IGF2BP2: variants seen among roughly 807,000 people sequenced by gnomAD.
IGF2BP2 encodes the protein insulin-like growth factor 2 mRNA-binding protein 2.
A neutral mutation model predicts 75.8 loss-of-function variants in IGF2BP2; 17 were observed. The observed-to-expected ratio is 0.22, with a 90% CI of 0.15 to 0.34. The LOEUF (loss-of-function observed/expected upper bound fraction) is 0.34, where lower values mean the gene tolerates loss of function less well. Ranked by LOEUF, IGF2BP2 falls within the 10% of genes least tolerant of loss-of-function variation. The probability of loss-of-function intolerance (pLI) is 1.00; values close to 1 mark genes in which losing one functional copy is unlikely to be tolerated. For synonymous variants in IGF2BP2, 288 were observed against 295.6 expected (o/e 0.97, Z 0.26); for missense variants, 516 against 772.4 (o/e 0.67, Z 3.93).
chr3:185,809,055 C>T (rs149580350), intron 2 of IGF2BP2, among the ~76,000 whole-genome samples: 159 of 151,944 alleles, frequency 1.0e-3, no homozygotes, highest in Middle Eastern at 6.9e-3. Context: ...ATTCTTGTAT[C>T]CACCTATTAT....
At chr3:185,762,214 C>T (rs1732462428) in intron 2 of IGF2BP2, among the ~76,000 whole-genome samples, 1 of 151,574 alleles carries the variant, frequency 6.6e-6, no homozygotes, top group African/African-American at 2.4e-5. Context: ...ATGGTGAAAC[C>T]CTGTCTCTAC....
chr3:185,761,997 C>G lies in IGF2BP2; in HGVS notation c.239+61156G>C, dbSNP rs373209208. 6.6e-5 allele frequency among the ~76,000 whole-genome samples: 10 copies of G among 152,264 alleles called. No homozygotes were observed. In the East Asian group the frequency reaches 1.9e-3, roughly 29 times the overall value. On this transcript the variant is annotated intron_variant, in intron 2 of 15. Transcript: ENST00000382199. ...AAACTGCTGTAGATATTCTACCATG[C>G]TTTGTACTATTAGAAAAGCTTGCAT...
intron 2 of IGF2BP2, among the ~76,000 whole-genome samples, chr3:185,719,854 AAAG>A (rs1320878346): frequency 1.3e-5 from 2 of 151,770 alleles, no homozygotes; most frequent in East Asian, 3.9e-4. Context: ...GGAAGGAAGG[AAAG>A]GAAGGAAAGG....
chr3:185,808,723 C>T (rs1739386332), intron 2 of IGF2BP2, among the ~76,000 whole-genome samples: 2 of 106,386 alleles, frequency 1.9e-5, no homozygotes, highest in Admixed American at 8.0e-5. Context: ...CCACACCTGG[C>T]TATTTTTTTT....
intron 2 of IGF2BP2, chr3:185,722,041 C>T (rs866905391): frequency 3.7e-6 from 1 of 273,204 alleles, no homozygotes; most frequent in South Asian, 3.0e-5. Context: ...TATAAGATCA[C>T]GGGATCTTCC....
rs1714870176 is a variant in IGF2BP2 at position 185,653,095 on chromosome 3, C to T, written c.1387-927G>A. Among the ~76,000 whole-genome samples the T allele has an allele frequency of 2.0e-5, 3 of 152,218 alleles. No individual in the cohort carries two copies. In the South Asian group the frequency reaches 6.2e-4, roughly 32 times the overall value. The stretch of plus-strand genomic sequence containing the variant: ...CCGCCCACCTTGGCCTTCCAAAGTG[C>T]TGGGATTACAGGTGTGAGCCACTGC... On this transcript the variant is annotated intron_variant, in intron 12 of 15. Transcript: ENST00000382199.
At chr3:185,689,855 C>A (rs1352974579) in intron 5 of IGF2BP2, among the ~76,000 whole-genome samples, 1 of 150,932 alleles carries the variant, frequency 6.6e-6, no homozygotes, top group Non-Finnish European at 1.5e-5. Context: ...GTAGTCCCAG[C>A]TACTTGGGAG....
chr3:185,809,185 T>G (rs1253366686), intron 2 of IGF2BP2, among the ~76,000 whole-genome samples: 3 of 152,102 alleles, frequency 2.0e-5, no homozygotes, highest in Non-Finnish European at 4.4e-5. Context: ...AATTTGACTT[T>G]CAGGGAGAAA....
At chr3:185,752,869 T>C (rs1012281092) in intron 2 of IGF2BP2, among the ~76,000 whole-genome samples, 2 of 152,154 alleles carry the variant, frequency 1.3e-5, no homozygotes, top group African/African-American at 4.8e-5. Context: ...AGTTCTGGGA[T>C]TACAGGCATG....
intron 2 of IGF2BP2, among the ~76,000 whole-genome samples, chr3:185,705,313 T>C (rs1437161841): frequency 6.6e-6 from 1 of 152,188 alleles, no homozygotes; most frequent in Non-Finnish European, 1.5e-5. Flanking sequence ...GCCAGGGTGG[T>C]CTCGATCTCC....
At chr3:185,697,329 C>A (rs1722714860) in intron 3 of IGF2BP2, among the ~76,000 whole-genome samples, 1 of 151,940 alleles carries the variant, frequency 6.6e-6, no homozygotes, top group African/African-American at 2.4e-5. Flanking sequence ...TGGTCTCAAA[C>A]TCCTGACCTC....
At chr3:185,692,785 A>G (rs753174991) in intron 4 of IGF2BP2, 23 bp from the exon 5 acceptor site, 34 of 1,612,340 alleles carry the variant, frequency 2.1e-5, no homozygotes, top group African/African-American at 2.7e-5. Context: ...CAAAAACTAC[A>G]CTGTCATAGG....
intron 2 of IGF2BP2, among the ~76,000 whole-genome samples, chr3:185,768,282 C>T (rs1733367626): frequency 6.6e-6 from 1 of 152,206 alleles, no homozygotes; most frequent in Non-Finnish European, 1.5e-5. Context: ...AAAACATCCT[C>T]AGCCAGATGC....
intron 2 of IGF2BP2, among the ~76,000 whole-genome samples, chr3:185,737,081 A>G (rs898548073): frequency 2.6e-5 from 4 of 152,228 alleles, no homozygotes; most frequent in African/African-American, 4.8e-5. Flanking sequence ...TTCTTTTTAT[A>G]TACTGCTTTG....
rs1714201911 is a variant in IGF2BP2 at position 185,649,542 on chromosome 3, A to G, written c.1462-8T>C. 1.7e-5 allele frequency: 27 copies of G among 1,613,868 alleles called. No homozygotes were observed. Among genetic ancestry groups the G allele is most frequent in the Non-Finnish European group, 2.1e-5 (25 of 1,179,946 alleles). On this transcript the variant is annotated splice_polypyrimidine_tract_variant and splice_region_variant and intron_variant, in intron 13 of 15. Transcript: ENST00000382199. ...AAAGATCCGTCCCTGGGCCTGAGAG[A>G]GCAAGACATGACTAATGACTCTCAG... is the stretch of plus-strand genomic sequence containing the variant.
chr3:185,819,582 CT>C (rs71642560), intron 2 of IGF2BP2, among the ~76,000 whole-genome samples: 12,197 of 150,040 alleles, frequency 0.081, 751 homozygotes, highest in African/African-American at 0.18. Flanking sequence ...AAATTACTAA[CT>C]TTTTTTTTTC....
At chr3:185,657,548 C>T (rs751172138) in intron 11 of IGF2BP2, 146 bp from the exon 12 acceptor site, 30 of 602,104 alleles carry the variant, frequency 5.0e-5, no homozygotes, top group Non-Finnish European at 7.9e-5. Context: ...GCACAGGATC[C>T]TTCTGCGGCC....
chr3:185,802,086 C>T (rs952030706), intron 2 of IGF2BP2, among the ~76,000 whole-genome samples: 3 of 151,852 alleles, frequency 2.0e-5, no homozygotes, highest in African/African-American at 7.3e-5. Context: ...ACCTAGATGA[C>T]GGGTTGATAG....
intron 2 of IGF2BP2, among the ~76,000 whole-genome samples, chr3:185,790,774 A>AATTT (rs1432668860): frequency 2.0e-5 from 3 of 152,210 alleles, no homozygotes; most frequent in Non-Finnish European, 2.9e-5. Context: ...GAAAATTAAT[A>AATTT]ATTTAGTAGC....
Sources: allele counts gnomAD v4.1 joint callset (sites outside exome capture counted in the v4.1 genomes callset), GRCh38; gene constraint gnomAD v4.1.1; transcripts MANE v1.5; gene names NCBI Gene and HGNC (gene_info 2026-07-23, HGNC 2026-07-21).